SCUBE2: variants seen among roughly 807,000 people sequenced by gnomAD.
SCUBE2 encodes signal peptide, CUB domain and EGF like domain containing 2.
A neutral mutation model predicts 125.9 loss-of-function variants in SCUBE2; 114 were observed. The ratio of observed to expected loss-of-function variants is 0.91; its 90% CI spans 0.78 to 1.06. The LOEUF is 1.06. Ranked by LOEUF, SCUBE2 falls within the 50% of genes least tolerant of loss-of-function variation. The pLI is 0.00. For synonymous variants in SCUBE2, 459 were observed against 492.9 expected, an observed-to-expected ratio of 0.93 and a Z score of 0.91; for missense variants, 1,255 against 1,301.8, an observed-to-expected ratio of 0.96 and a Z score of 0.55.
chr11:9,071,033 G>T (rs1860748431), intron 4 of SCUBE2, among the ~76,000 whole-genome samples: 2 of 152,196 alleles, frequency 1.3e-5, no homozygotes, highest in South Asian at 4.1e-4. Context: ...GATGTGATTT[G>T]CACCCCAGTA....
At chr11:9,083,423 G>A (rs1203598772) in intron 2 of SCUBE2, among the ~76,000 whole-genome samples, 11 of 152,100 alleles carry the variant, frequency 7.2e-5, no homozygotes, top group Admixed American at 5.9e-4. Context: ...ACAGGGTTAT[G>A]GACTTATAAT....
At chr11:9,086,940 G>C (rs1043408363) in intron 2 of SCUBE2, among the ~76,000 whole-genome samples, 1 of 151,656 alleles carries the variant, frequency 6.6e-6, no homozygotes. Flanking sequence ...TTCTTCTAGG[G>C]TTTGAGTTCC....
In SCUBE2 at chr11:9,066,788, C is replaced by T. The variant is rs1158687956; in HGVS notation, c.669G>A (p.Gly223=). 3.1e-6 allele frequency: 5 copies of T among 1,614,014 alleles called. No individual in the cohort carries two copies. Among genetic ancestry groups the T allele is most frequent in the Non-Finnish European group, 3.4e-6 (4 of 1,179,968 alleles). The part of the protein sequence containing the change: ...CILTCNHGNG[G]CQHSCDDTAD... ...CTGTATCGTCACAGGAGTGCTGGCA[C>T]CCACCGTTCCCATGGTTACAGGTCA... The change falls in exon 6 of 23, where the codon GGG becomes GGA. Residue 223 remains glycine, a synonymous_variant. Coordinates refer to ENST00000649792, the MANE Select transcript of SCUBE2 (RefSeq NM_001367977.2).
chr11:9,074,225 G>A lies in SCUBE2; in HGVS notation c.517+256C>T, dbSNP rs530967653. Reference sequence around the variant, plus strand: ...ATGTTTGAAATGTATTCTATGTAAAGATTAGAATCAGAAAATGTGAGAGTT... The same window carrying A: ...ATGTTTGAAATGTATTCTATGTAAAAATTAGAATCAGAAAATGTGAGAGTT... On this transcript the variant is annotated intron_variant, in intron 4 of 22. Coordinates refer to ENST00000649792, the MANE Select transcript of SCUBE2 (RefSeq NM_001367977.2). Among the ~76,000 whole-genome samples, 5 of 152,330 alleles carry A rather than the reference G, an allele frequency of 3.3e-5. No individual in the cohort carries two copies. In the South Asian group the frequency reaches 8.3e-4, roughly 25 times the overall value.
At chr11:9,038,078 A>C (rs967924684) in intron 16 of SCUBE2, among the ~76,000 whole-genome samples, 8 of 151,482 alleles carry the variant, frequency 5.3e-5, no homozygotes, top group Admixed American at 2.0e-4. Flanking sequence ...TTGAGCACTC[A>C]TTATGTGCTG....
chr11:9,074,791 G>A (rs1861088412), intron 3 of SCUBE2, among the ~76,000 whole-genome samples, 176 bp from the exon 4 acceptor site: 1 of 152,212 alleles, frequency 6.6e-6, no homozygotes, highest in African/African-American at 2.4e-5. Flanking sequence ...GTCCTTACGG[G>A]TCTGGGGCTC....
intron 3 of SCUBE2, 52 bp from the exon 4 acceptor site, chr11:9,074,667 A>T: frequency 1.2e-6 from 2 of 1,604,942 alleles, no homozygotes; most frequent in South Asian, 2.2e-5. Flanking sequence ...TCAATGCCCC[A>T]CCTCACCCAG....
intron 18 of SCUBE2, 65 bp from the exon 19 acceptor site, chr11:9,030,110 C>G: frequency 6.5e-7 from 1 of 1,544,396 alleles, no homozygotes; most frequent in East Asian, 2.3e-5. Context: ...AAATGCAGCA[C>G]AAAGATTTTA....
chr11:9,077,522 A>G (rs1458518694), intron 3 of SCUBE2, among the ~76,000 whole-genome samples: 1 of 152,132 alleles, frequency 6.6e-6, no homozygotes, highest in Non-Finnish European at 1.5e-5. Context: ...ATTTGTGGCT[A>G]ATGTGTGGTT....
chr11:9,023,386 T>C (rs1018727606), intron 21 of SCUBE2, among the ~76,000 whole-genome samples: 1 of 152,218 alleles, frequency 6.6e-6, no homozygotes. Flanking sequence ...TTAGTGAATA[T>C]AAAATATGAG....
intron 21 of SCUBE2, chr11:9,024,385 G>T: frequency 7.8e-7 from 1 of 1,288,504 alleles, no homozygotes. Flanking sequence ...TCCTTGTCTT[G>T]GGTGTTTGTT....
At chr11:9,036,007 G>C (rs1856726407) in intron 16 of SCUBE2, among the ~76,000 whole-genome samples, 1 of 152,116 alleles carries the variant, frequency 6.6e-6, no homozygotes, top group Admixed American at 6.5e-5. Flanking sequence ...TCCCACCCCA[G>C]CTTCCCAAGT....
intron 2 of SCUBE2, among the ~76,000 whole-genome samples, chr11:9,084,411 A>G (rs1014227000): frequency 2.0e-5 from 3 of 152,246 alleles, no homozygotes; most frequent in African/African-American, 7.2e-5. Context: ...CATCACAGTA[A>G]TAACTATTGC....
In SCUBE2 at chr11:9,091,179, C is replaced by A. The variant is rs1388008076; in HGVS notation, c.133+217G>T. On this transcript the variant is annotated intron_variant, in intron 1 of 22. Transcript: ENST00000649792. This position sits in a 1 kb window ranked among gnomAD's most constrained non-coding sequence, Gnocchi z 8.5. The stretch of plus-strand genomic sequence containing the variant: ...ACCGGGGCGGGAACCGTCAGCAGCT[C>A]CGGGTCCGAGGCCGGGCCGAAGGAC... Among the ~76,000 whole-genome samples, 1 of 151,978 alleles carries A rather than the reference C, an allele frequency of 6.6e-6. No individual in the cohort carries two copies. Among genetic ancestry groups the A allele is most frequent in the Non-Finnish European group, 1.5e-5 (1 of 67,954 alleles).
chr11:9,030,954 A>G, intron 17 of SCUBE2, 29 bp from the exon 18 acceptor site: 1 of 1,600,814 alleles, frequency 6.2e-7, no homozygotes, highest in East Asian at 2.2e-5. Context: ...TTACGTGAGC[A>G]AGGCCTCCAG....
At chr11:9,065,623 C>T (rs1401300586) in intron 7 of SCUBE2, among the ~76,000 whole-genome samples, 2 of 152,194 alleles carry the variant, frequency 1.3e-5, no homozygotes, top group African/African-American at 4.8e-5. Context: ...AGCCTCAGGG[C>T]AGTTTGCCAA....
intron 16 of SCUBE2, among the ~76,000 whole-genome samples, chr11:9,042,235 C>G (rs193182118): frequency 5.7e-4 from 87 of 152,242 alleles, no homozygotes; most frequent in Non-Finnish European, 1.1e-3. Flanking sequence ...CCTGGCTTCT[C>G]TCCTCACTGC....
At chr11:9,023,026 T>G (rs1315403773) in intron 21 of SCUBE2, among the ~76,000 whole-genome samples, 5 of 152,220 alleles carry the variant, frequency 3.3e-5, no homozygotes, top group African/African-American at 1.2e-4. Flanking sequence ...ATATTTTTTG[T>G]CCTGATATAC....
chr11:9,052,745 C>A lies in SCUBE2; in HGVS notation c.1534+1G>T, dbSNP rs753735016. 9.1e-5 allele frequency: 140 copies of A among 1,534,528 alleles called. No homozygotes were observed. The highest frequency in any genetic ancestry group is 1.2e-4 in the Non-Finnish European group (132 of 1,144,644). On this transcript the variant is annotated splice_donor_variant, in intron 13 of 22. Coordinates refer to ENST00000649792, the MANE Select transcript of SCUBE2 (RefSeq NM_001367977.2). LOFTEE classifies it high-confidence loss of function. ...AGAGAACACGCAGATTTGGTAATTA[C>A]CCCCAAAAGCAGAGTCATTTGATTT... is the stretch of plus-strand genomic sequence containing the variant.
Sources: gnomAD v4.1 joint callset for allele counts (sites outside exome capture counted in the v4.1 genomes callset) on GRCh38, gnomAD v4.1.1 for gene constraint, Gnocchi (gnomAD v3.1) non-coding constraint, MANE v1.5 for transcripts, NCBI Gene and HGNC (gene_info 2026-07-23, HGNC 2026-07-21) for gene names.